The following ATRNL1 variants were observed in gnomAD, a reference collection of about 807,000 sequenced individuals.
ATRNL1 encodes the protein attractin-like protein 1.
Under a neutral mutation model 182.7 loss-of-function variants are expected in ATRNL1, and 95 were observed. That is an observed-to-expected ratio of 0.52 (90% CI 0.44 to 0.62). The LOEUF (loss-of-function observed/expected upper bound fraction) is 0.62. Ranked by LOEUF, ATRNL1 falls within the 20% of genes least tolerant of loss-of-function variation. ATRNL1 has a pLI of 0.00. For synonymous variants in ATRNL1, 576 were observed against 568.3 expected (o/e 1.01, Z -0.19); for missense variants, 1,471 against 1,679.5 (o/e 0.88, Z 2.17).
intron 17 of ATRNL1, among the ~76,000 whole-genome samples, chr10:115,308,336 A>C (rs1478629530): frequency 2.0e-5 from 3 of 152,120 alleles, no homozygotes; most frequent in Non-Finnish European, 4.4e-5. Flanking sequence ...TTTAAAGAAA[A>C]ATAGGAGATT....
intron 28 of ATRNL1, among the ~76,000 whole-genome samples, chr10:115,927,476 A>G (rs1025243298): frequency 1.3e-5 from 2 of 152,144 alleles, no homozygotes; most frequent in Non-Finnish European, 1.5e-5. Flanking sequence ...TTAAAAAACC[A>G]TTAGAAGAGA....
intron 27 of ATRNL1, among the ~76,000 whole-genome samples, chr10:115,816,304 C>T (rs563672026): frequency 1.6e-4 from 25 of 152,182 alleles, no homozygotes; most frequent in Admixed American, 9.2e-4. Flanking sequence ...TGTTACTCCA[C>T]GGGAATGTTG....
In ATRNL1 at chr10:115,679,568, G is replaced by C. The variant is rs782628620; in HGVS notation, c.3796-47680G>C. Among the ~76,000 whole-genome samples the C allele has an allele frequency of 3.3e-5, 5 of 151,998 alleles. No homozygotes were observed. In the East Asian group the frequency reaches 7.7e-4, roughly 24 times the overall value. ...TCTGCAGAAAGGTTGTTTTCATTCT[G>C]ATCTCTACCCTGAGTCATTTTATCC... On this transcript the variant is annotated intron_variant, in intron 26 of 28. Transcript: ENST00000355044.
intron 26 of ATRNL1, among the ~76,000 whole-genome samples, chr10:115,554,742 G>A (rs1317478749): frequency 6.6e-6 from 1 of 151,568 alleles, no homozygotes; most frequent in Non-Finnish European, 1.5e-5. Context: ...AGTAATGGAA[G>A]TAAATGTGAA....
At chr10:115,676,731 A>G (rs1464943483) in intron 26 of ATRNL1, among the ~76,000 whole-genome samples, 1 of 151,962 alleles carries the variant, frequency 6.6e-6, no homozygotes, top group African/African-American at 2.4e-5. Context: ...GGAAAGGAGC[A>G]TAGAGTGGAG....
chr10:115,447,775 A>T (rs186827511), intron 21 of ATRNL1, among the ~76,000 whole-genome samples: 249 of 152,006 alleles, frequency 1.6e-3, no homozygotes, highest in Non-Finnish European at 2.8e-3. Flanking sequence ...AAGTTCTTTG[A>T]GATATACAAG....
At chr10:115,314,714 G>A (rs535944399) in intron 17 of ATRNL1, among the ~76,000 whole-genome samples, 1 of 152,334 alleles carries the variant, frequency 6.6e-6, no homozygotes, top group South Asian at 2.1e-4. Context: ...GGCTATGTCT[G>A]TGGTGTTTGA....
chr10:115,806,263 A>T (rs138936876), intron 27 of ATRNL1, among the ~76,000 whole-genome samples: 52 of 152,266 alleles, frequency 3.4e-4, no homozygotes, highest in African/African-American at 1.2e-3. Flanking sequence ...TTTAATGCAT[A>T]AATTTTTTAG....
At chr10:115,642,440 C>T (rs1392089527) in intron 26 of ATRNL1, among the ~76,000 whole-genome samples, 1 of 148,818 alleles carries the variant, frequency 6.7e-6, no homozygotes, top group African/African-American at 2.5e-5. Context: ...AATTCTAGTG[C>T]TTTTTTTTTT....
chr10:115,847,933 G>A lies in ATRNL1; in HGVS notation c.3960G>A (p.Leu1320=), dbSNP rs1212940535. 8.1e-6 allele frequency: 13 copies of A among 1,612,962 alleles called. No individual in the cohort carries two copies. Among genetic ancestry groups the A allele is most frequent in the Non-Finnish European group, 1.0e-5 (12 of 1,179,328 alleles). The change falls in exon 28 of 29, where the codon CTG becomes CTA. Residue 1320 remains leucine, a synonymous_variant. Coordinates refer to ENST00000355044, the MANE Select transcript of ATRNL1 (RefSeq NM_207303.4). ...GTGCTGGGAACAGAGCTGCTGTTCTGACTGTGTTTCTTTGTCTACCACGAG... is the reference window on the plus strand; with the variant it reads ...GTGCTGGGAACAGAGCTGCTGTTCTAACTGTGTTTCTTTGTCTACCACGAG... The part of the protein sequence containing the change: ...EPCAGNRAAV[L]TVFLCLPRGS...
At chr10:115,437,574 ATAG>A (rs1846460382) in intron 21 of ATRNL1, among the ~76,000 whole-genome samples, 1 of 152,004 alleles carries the variant, frequency 6.6e-6, no homozygotes, top group South Asian at 2.1e-4. Context: ...AAGTTTGCAA[ATAG>A]TTGTATTTAT....
intron 26 of ATRNL1, among the ~76,000 whole-genome samples, chr10:115,684,680 T>G (rs1308457523): frequency 6.6e-6 from 1 of 151,666 alleles, no homozygotes; most frequent in Non-Finnish European, 1.5e-5. Context: ...ATTATCTAAC[T>G]TCCCTGAATC....
At chr10:115,366,990 A>ATG (rs1221043892) in intron 19 of ATRNL1, among the ~76,000 whole-genome samples, 2 of 135,806 alleles carry the variant, frequency 1.5e-5, no homozygotes, top group Non-Finnish European at 3.1e-5. Flanking sequence ...TCTGACAATT[A>ATG]TGTGTCTTGG....
At chr10:115,828,698 T>C (rs72828833) in intron 27 of ATRNL1, among the ~76,000 whole-genome samples, 2,374 of 152,280 alleles carry the variant, frequency 0.016, 33 homozygotes, top group Non-Finnish European at 0.025. Flanking sequence ...ATTTTATTAC[T>C]ATTTCAGTGG....
At chr10:115,578,520 C>CA (rs1465905153) in intron 26 of ATRNL1, among the ~76,000 whole-genome samples, 2 of 151,460 alleles carry the variant, frequency 1.3e-5, no homozygotes, top group Admixed American at 6.6e-5. Flanking sequence ...CTAGATTATC[C>CA]AATTTCTTGG....
At chr10:115,330,887 A>T (rs138814485) in intron 18 of ATRNL1, among the ~76,000 whole-genome samples, 1 of 150,086 alleles carries the variant, frequency 6.7e-6, no homozygotes, top group Non-Finnish European at 1.5e-5. Context: ...TTCATTTTTT[A>T]TTCTTTTTTG....
At chr10:115,394,607 G>A in intron 19 of ATRNL1, 52 bp from the exon 20 acceptor site, 5 of 1,307,576 alleles carry the variant, frequency 3.8e-6, no homozygotes, top group East Asian at 2.3e-5. Context: ...AATGTGAAAT[G>A]TGCATGTTTG....
intron 26 of ATRNL1, among the ~76,000 whole-genome samples, chr10:115,704,321 A>T (rs909651197): frequency 1.3e-5 from 2 of 151,700 alleles, no homozygotes; most frequent in Admixed American, 6.6e-5. Context: ...GTCTCTCTAC[A>T]TTGAATTGTC....
At chr10:115,441,302 G>A (rs529899689) in intron 21 of ATRNL1, among the ~76,000 whole-genome samples, 230 of 151,826 alleles carry the variant, frequency 1.5e-3, no homozygotes, top group African/African-American at 5.4e-3. Context: ...CACCATTTCT[G>A]TATTTTCTTT....
Sources: gnomAD v4.1 joint callset for allele counts (sites outside exome capture counted in the v4.1 genomes callset) on GRCh38, gnomAD v4.1.1 for gene constraint, MANE v1.5 for transcripts, NCBI Gene and HGNC (gene_info 2026-07-23, HGNC 2026-07-21) for gene names.